Variants in NFKBID observed in about 807,000 individuals in gnomAD.
NFKBID encodes the protein NF-kappa-B inhibitor delta.
A neutral mutation model predicts 53.4 loss-of-function variants in NFKBID; 26 were observed. The observed-to-expected ratio is 0.49, with a 90% CI of 0.36 to 0.68. NFKBID has a LOEUF of 0.68. NFKBID is among the 30% of genes least tolerant of loss of function. The pLI, the probability that NFKBID is intolerant of heterozygous loss-of-function variation, is 0.00. For synonymous variants in NFKBID, 262 were observed against 259.8 expected (o/e 1.01, Z -0.08); for missense variants, 493 against 614.1 (o/e 0.80, Z 2.08).
intron 9 of NFKBID, among the ~76,000 whole-genome samples, chr19:35,894,739 A>G (rs1975010076): frequency 6.6e-6 from 1 of 152,126 alleles, no homozygotes; most frequent in Non-Finnish European, 1.5e-5. Flanking sequence ...CACGCTTGCA[A>G]TCCCAGCATT....
chr19:35,895,977 C>T lies in NFKBID; in HGVS notation c.1032+3G>A. On this transcript the variant is annotated splice_donor_region_variant and intron_variant, in intron 9 of 11. Transcript: ENST00000641389. ...GGGTCTGACCGCCCACATCCCCGCT[C>T]ACCTGGCTGGTGTGATTAGCACCCA... 1 of 1,613,136 alleles carries T rather than the reference C, an allele frequency of 6.2e-7. No individual in the cohort carries two copies. The highest frequency in any genetic ancestry group is 1.1e-5 in the South Asian group (1 of 90,982).
Position 35,889,886 on chromosome 19 carries a change from T to C in NFKBID, c.1314+4A>G, listed in dbSNP as rs1974634030. ...CTCTACAGGCAGGCTCAGTGCTTAC[T>C]TACCCCCTCAGGGCCCGGCCCGGGC... On this transcript the variant is annotated splice_donor_region_variant and intron_variant, in intron 11 of 11. Transcript: ENST00000641389. 6.2e-7 allele frequency: 1 copy of C among 1,602,994 alleles called. No individual in the cohort carries two copies. Among genetic ancestry groups the C allele is most frequent in the Non-Finnish European group, 8.5e-7 (1 of 1,172,850 alleles).
In NFKBID at chr19:35,896,197, C is replaced by G. The variant is rs1372896153; in HGVS notation, c.883+21G>C. Reference sequence around the variant, plus strand: ...CGCCCAGCCACACCAACCACACCAGCCCTGCCCACACCCAACTTACCCTCG... The same window carrying G: ...CGCCCAGCCACACCAACCACACCAGGCCTGCCCACACCCAACTTACCCTCG... On this transcript the variant is annotated intron_variant, in intron 8 of 11. Coordinates refer to ENST00000641389, the Ensembl canonical transcript of NFKBID. The surrounding 1 kb of genome is among the most constrained non-coding windows in gnomAD (Gnocchi z 5.7). 2.5e-6 allele frequency: 4 copies of G among 1,614,162 alleles called. No individual in the cohort carries two copies. Among genetic ancestry groups the G allele is most frequent in the Non-Finnish European group, 3.4e-6 (4 of 1,180,000 alleles).
At chr19:35,893,881 G>C (rs1486100928) in intron 9 of NFKBID, among the ~76,000 whole-genome samples, 1 of 151,764 alleles carries the variant, frequency 6.6e-6, no homozygotes, top group Non-Finnish European at 1.5e-5. Context: ...GCCATGAGTG[G>C]CTGGTTATTG....
chr19:35,900,732 T>G, upstream of NFKBID: 1 of 1,002,500 alleles, frequency 1.0e-6, no homozygotes, highest in Non-Finnish European at 1.3e-6. Flanking sequence ...GGTCCAGATC[T>G]TTGCTCTGAA....
chr19:35,892,543 C>CAAAAAAAAAAAAAAAAAAA (rs112001334), intron 9 of NFKBID, among the ~76,000 whole-genome samples: 3 of 112,270 alleles, frequency 2.7e-5, no homozygotes, highest in Admixed American at 9.2e-5. Flanking sequence ...GACTCCATCT[C>CAAAAAAAAAAAAAAAAAAA]AAAAAAAAAA....
exon 11 of NFKBID, chr19:35,890,012 G>C: frequency 1.9e-6 from 3 of 1,608,246 alleles, no homozygotes; most frequent in Non-Finnish European, 2.5e-6. Flanking sequence ...GCCGGCCCAG[G>C]GGGCAGGGCA....
chr19:35,902,029 A>C (rs994159183), upstream of NFKBID: 1 of 632,462 alleles, frequency 1.6e-6, no homozygotes, highest in Non-Finnish European at 2.9e-6. Context: ...TTTAAGTACC[A>C]TCCATAAGCC....
chr19:35,902,265 C>T (rs181895393), upstream of NFKBID: 55 of 705,132 alleles, frequency 7.8e-5, no homozygotes, highest in African/African-American at 7.9e-4. Flanking sequence ...TCTAGGATCC[C>T]TCTCAAACAC....
intron 3 of NFKBID, 117 bp downstream of exon 3, chr19:35,898,350 GAAAAA>G: frequency 3.3e-6 from 2 of 607,450 alleles, no homozygotes; most frequent in Non-Finnish European, 2.8e-6. Flanking sequence ...TCCTGTCTCA[GAAAAA>G]AAAAAAAAAG....
At chr19:35,890,166 C>T (rs1974658585) in intron 10 of NFKBID, 112 bp from the exon 11 acceptor site, 6 of 1,174,320 alleles carry the variant, frequency 5.1e-6, no homozygotes, top group African/African-American at 1.5e-5. Context: ...TTTCACATCC[C>T]AGACCTCCCC....
chr19:35,898,568 T>G, intron 2 of NFKBID, 36 bp from the exon 3 acceptor site: 2 of 1,492,472 alleles, frequency 1.3e-6, no homozygotes, highest in African/African-American at 2.8e-5. Context: ...CCCAGGTGAC[T>G]TTATCTGGCA....
chr19:35,900,612 C>T, exon 1 of NFKBID: 1 of 1,230,190 alleles, frequency 8.1e-7, no homozygotes, highest in Non-Finnish European at 1.0e-6. Flanking sequence ...GCAGGGCCCG[C>T]CCACAGGCCT....
intron 1 of NFKBID, among the ~76,000 whole-genome samples, chr19:35,899,928 G>T (rs1422282779): frequency 6.6e-6 from 1 of 151,954 alleles, no homozygotes; most frequent in African/African-American, 2.4e-5. Context: ...GAATCCCCGC[G>T]CAAGGGGAAT....
In NFKBID at chr19:35,896,683, C is replaced by A. The variant is rs1247036491; in HGVS notation, c.684+43G>T. The A allele has an allele frequency of 6.3e-7, 1 of 1,590,204 alleles. No individual in the cohort carries two copies. Among genetic ancestry groups the A allele is most frequent in the Non-Finnish European group, 8.6e-7 (1 of 1,160,812 alleles). On this transcript the variant is annotated intron_variant, in intron 6 of 11. Coordinates refer to ENST00000641389, the Ensembl canonical transcript of NFKBID. The surrounding 1 kb of genome is among the most constrained non-coding windows in gnomAD (Gnocchi z 5.7). The stretch of plus-strand genomic sequence containing the variant: ...ATCCAGGGGTCCAGGCCCCAGGCTC[C>A]TTCCTCCCCTGAACCCAGGAGAGTT...
At chr19:35,902,034 T>A, upstream of NFKBID, 1 of 637,772 alleles carries the variant, frequency 1.6e-6, no homozygotes, top group Non-Finnish European at 2.8e-6. Context: ...GTACCATCCA[T>A]AAGCCATCAA....
At chr19:35,890,322 G>C in intron 10 of NFKBID, 52 bp downstream of exon 10, 2 of 1,243,094 alleles carry the variant, frequency 1.6e-6, no homozygotes, top group Non-Finnish European at 2.3e-6. Flanking sequence ...ACATCCCACT[G>C]CCCCCCCTAC....
chr19:35,896,806 C>A lies in NFKBID; in HGVS notation c.604G>T (p.Gly202Trp). 1 of 1,614,044 alleles carries A rather than the reference C, an allele frequency of 6.2e-7. No homozygotes were observed. ...GCAGCATATGCCGCCCAGCGCAGCC[C>A]CCGAGCCGCAAACAGGTGAAGGAGC... Residue 202 changes from glycine to tryptophan, a missense_variant, in exon 6 of 12, where the codon GGG becomes TGG. Coordinates refer to ENST00000641389, the Ensembl canonical transcript of NFKBID. The surrounding 1 kb of genome is among the most constrained non-coding windows in gnomAD (Gnocchi z 5.7).
chr19:35,899,799 GGC>G (rs1271113021), intron 1 of NFKBID: 1 of 152,266 alleles, frequency 6.6e-6, no homozygotes, highest in Non-Finnish European at 1.5e-5. Context: ...GCCCCGACGC[GGC>G]GCGCTGACGC....
Sources: gnomAD v4.1 joint callset for allele counts (sites outside exome capture counted in the v4.1 genomes callset) on GRCh38, gnomAD v4.1.1 for gene constraint, Gnocchi (gnomAD v3.1) non-coding constraint, MANE v1.5 for transcripts, NCBI Gene and HGNC (gene_info 2026-07-23, HGNC 2026-07-21) for gene names.